Variants in GABRG3 observed in about 807,000 individuals in gnomAD.
GABRG3 encodes gamma-aminobutyric acid type A receptor subunit gamma3.
GABRG3 carries 25 observed loss-of-function variants against 48.8 expected under a neutral mutation model. That is an observed-to-expected ratio of 0.51 (90% CI 0.37 to 0.72). The LOEUF (loss-of-function observed/expected upper bound fraction) is 0.72, where lower values mean the gene tolerates loss of function less well. Among genes scored for constraint, GABRG3 ranks in the 30% least tolerant of loss-of-function variants. The pLI is 0.00. For synonymous variants in GABRG3, 227 were observed against 217.6 expected, an observed-to-expected ratio of 1.04 and a Z score of -0.38; for missense variants, 394 against 577.9, an observed-to-expected ratio of 0.68 and a Z score of 3.26.
chr15:27,220,944 T>G (rs1042740310), intron 3 of GABRG3, among the ~76,000 whole-genome samples: 2 of 152,154 alleles, frequency 1.3e-5, no homozygotes, highest in African/African-American at 4.8e-5. Context: ...TGGACAATAA[T>G]GCAAAGCATT....
rs1179483388 is a variant in GABRG3 at position 27,396,660 on chromosome 15, T to TC, written c.574+67773dup. 3.9e-5 allele frequency among the ~76,000 whole-genome samples: 6 copies of TC among 152,308 alleles called. No individual in the cohort carries two copies. The East Asian group carries it at 5.8e-4, about 15-fold the overall frequency. On this transcript the variant is annotated intron_variant, in intron 5 of 9. Coordinates refer to ENST00000615808, the MANE Select transcript of GABRG3 (RefSeq NM_033223.5). Reference sequence around the variant, plus strand: ...TTTCTAGGAAATGGAAACTCATGTCTCACACACACAGACTTGTACATAAAA... The same window carrying TC: ...TTTCTAGGAAATGGAAACTCATGTCTCCACACACACAGACTTGTACATAAAA...
chr15:27,198,220 G>C (rs1488013932), intron 3 of GABRG3, among the ~76,000 whole-genome samples: 1 of 152,120 alleles, frequency 6.6e-6, no homozygotes, highest in Non-Finnish European at 1.5e-5. Context: ...GCAACCTACA[G>C]AATGGGAGAA....
At position 27,004,905 on chromosome 15, in the gene GABRG3, T is replaced by TA. The variant is rs200557440; in HGVS notation, c.203-21848dup. Among the ~76,000 whole-genome samples, 959 of 152,296 alleles carry TA rather than the reference T, an allele frequency of 6.3e-3. 9 individuals are homozygous for TA. The highest frequency in any genetic ancestry group is 0.01 in the Non-Finnish European group (691 of 68,022). On this transcript the variant is annotated intron_variant, in intron 2 of 9. Transcript: ENST00000615808. Reference sequence around the variant, plus strand: ...GAGCGGGAGTCAGCTGGGCTGGACATACCTAATATGTCTACAGGCAGTTGG... The same window carrying TA: ...GAGCGGGAGTCAGCTGGGCTGGACATAACCTAATATGTCTACAGGCAGTTGG...
At position 27,133,741 on chromosome 15, in the gene GABRG3, A is replaced by G. The variant is rs552622709; in HGVS notation, c.270+106920A>G. Reference sequence around the variant, plus strand: ...CAAGTTAATTGAATTTGTCATGTGCAAAGATGAAGAGCAAATTGTTACAAA... The same window carrying G: ...CAAGTTAATTGAATTTGTCATGTGCGAAGATGAAGAGCAAATTGTTACAAA... On this transcript the variant is annotated intron_variant, in intron 3 of 9. Transcript: ENST00000615808. Among the ~76,000 whole-genome samples the G allele has an allele frequency of 2.0e-5, 3 of 152,344 alleles. No individual in the cohort carries two copies. The East Asian group carries it at 5.8e-4, about 29-fold the overall frequency.
At chr15:27,059,227 AG>A (rs1234761397) in intron 3 of GABRG3, among the ~76,000 whole-genome samples, 1 of 152,214 alleles carries the variant, frequency 6.6e-6, no homozygotes, top group Non-Finnish European at 1.5e-5. Context: ...GAAGGCCTGA[AG>A]GGCACCCCTA....
chr15:27,032,600 T>A (rs1347161460), intron 3 of GABRG3, among the ~76,000 whole-genome samples: 1 of 152,116 alleles, frequency 6.6e-6, no homozygotes, highest in Non-Finnish European at 1.5e-5. Context: ...GCCAGCCTCT[T>A]TTAAACAACC....
chr15:27,171,809 C>T (rs1447187041), intron 3 of GABRG3, among the ~76,000 whole-genome samples: 1 of 152,052 alleles, frequency 6.6e-6, no homozygotes, highest in Non-Finnish European at 1.5e-5. Context: ...GAGATTTTAG[C>T]TTCCAAGGTG....
chr15:27,003,429 C>T (rs369238463), intron 2 of GABRG3, among the ~76,000 whole-genome samples: 1 of 151,068 alleles, frequency 6.6e-6, no homozygotes, highest in African/African-American at 2.4e-5. Context: ...TGACTCTTAA[C>T]GAGCATGCTG....
intron 3 of GABRG3, among the ~76,000 whole-genome samples, chr15:27,310,029 G>C (rs544581655): frequency 1.3e-5 from 2 of 152,016 alleles, no homozygotes; most frequent in Non-Finnish European, 2.9e-5. Context: ...ACAAATCTCA[G>C]AGGCATTATG....
chr15:27,219,046 C>T (rs904542336), intron 3 of GABRG3, among the ~76,000 whole-genome samples: 15 of 152,214 alleles, frequency 9.9e-5, no homozygotes, highest in South Asian at 8.3e-4. Context: ...AATGGAACCA[C>T]GCGTGCTCTG....
chr15:27,388,282 A>G (rs1566818305), intron 5 of GABRG3, among the ~76,000 whole-genome samples: 15 of 49,242 alleles, frequency 3.0e-4, no homozygotes, highest in Admixed American at 1.1e-3. Flanking sequence ...AGGGTAAGGA[A>G]GGAAGGAAGA....
Position 27,047,984 on chromosome 15 carries a change from C to T in GABRG3, c.270+21163C>T, listed in dbSNP as rs117313791. On this transcript the variant is annotated intron_variant, in intron 3 of 9. Transcript: ENST00000615808. ...CGAGAGAATCAGATGAGCAGGGGTC[C>T]CAGAAAATGCATTGAGAATAGGTCG... is the stretch of plus-strand genomic sequence containing the variant. 2.3e-3 allele frequency among the ~76,000 whole-genome samples: 348 copies of T among 152,200 alleles called. 1 individual carries two copies. Among genetic ancestry groups the T allele is most frequent in the Non-Finnish European group, 3.7e-3 (250 of 68,008 alleles).
At chr15:27,303,458 A>C (rs1277353712) in intron 3 of GABRG3, among the ~76,000 whole-genome samples, 1 of 151,780 alleles carries the variant, frequency 6.6e-6, no homozygotes, top group Non-Finnish European at 1.5e-5. Flanking sequence ...TCATAGTTTA[A>C]AAAAATGTTT....
chr15:27,518,195 CAAAAAAAAAAA>C (rs58222645), intron 6 of GABRG3, among the ~76,000 whole-genome samples: 1 of 88,032 alleles, frequency 1.1e-5, no homozygotes, highest in Non-Finnish European at 2.3e-5. Context: ...ACTAAAAATA[CAAAAAAAAAAA>C]AAAAAAAAAA....
chr15:27,057,715 C>T (rs1166170599), intron 3 of GABRG3, among the ~76,000 whole-genome samples: 4 of 152,132 alleles, frequency 2.6e-5, no homozygotes, highest in Admixed American at 6.6e-5. Flanking sequence ...GGAATCTTAC[C>T]ACGTACTTAT....
chr15:27,367,962 T>C (rs372574757), intron 5 of GABRG3, among the ~76,000 whole-genome samples: 1 of 152,132 alleles, frequency 6.6e-6, no homozygotes, highest in African/African-American at 2.4e-5. Context: ...CTCTCTCTGC[T>C]CTGTCTCCTT....
chr15:27,489,719 G>A (rs1193324118), intron 6 of GABRG3, among the ~76,000 whole-genome samples: 1 of 152,098 alleles, frequency 6.6e-6, no homozygotes, highest in Admixed American at 6.5e-5. Context: ...TTTTGATGGG[G>A]TTGTTTGTTT....
intron 2 of GABRG3, among the ~76,000 whole-genome samples, chr15:26,986,071 C>T (rs1191256011): frequency 1.3e-5 from 2 of 152,166 alleles, no homozygotes; most frequent in African/African-American, 2.4e-5. Context: ...CAACCTTTTC[C>T]TTCTCCATGC....
chr15:27,095,852 G>A (rs141864754), intron 3 of GABRG3, among the ~76,000 whole-genome samples: 1 of 152,146 alleles, frequency 6.6e-6, no homozygotes, highest in Non-Finnish European at 1.5e-5. Context: ...TTTCAGACAC[G>A]GATGCCTGAT....
Sources: gnomAD v4.1 joint callset for allele counts (sites outside exome capture counted in the v4.1 genomes callset) on GRCh38, gnomAD v4.1.1 for gene constraint, MANE v1.5 for transcripts, NCBI Gene and HGNC (gene_info 2026-07-23, HGNC 2026-07-21) for gene names.